Variants in ACYP2 observed in about 807,000 individuals in gnomAD.
ACYP2 encodes the protein acylphosphatase 2, also known as acylphosphatase-2.
ACYP2 carries 12 observed loss-of-function variants against 11.2 expected under a neutral mutation model. That is an observed-to-expected ratio of 1.08 (90% CI 0.69 to 1.74). The LOEUF is 1.74. ACYP2 is among the 40% of genes most tolerant of loss of function. The pLI is 0.00. For missense variants in ACYP2, 134 were observed against 101.9 expected (o/e 1.31, Z -1.35); for synonymous variants, 43 against 32.2 (o/e 1.33, Z -1.13).
chr2:54,126,056 G>C (rs1254012028), intron 4 of ACYP2, among the ~76,000 whole-genome samples: 4 of 152,054 alleles, frequency 2.6e-5, no homozygotes, highest in East Asian at 3.9e-4. Context: ...ACTCCAGCCT[G>C]GGCGACAGAG....
chr2:54,115,577 G>C (rs1176642559), intron 4 of ACYP2, 38 bp from the exon 1 acceptor site: 30 of 1,538,804 alleles, frequency 1.9e-5, no homozygotes, highest in Non-Finnish European at 2.6e-5. Context: ...GCTAGCGTCC[G>C]GGACCGGTGA....
At chr2:54,272,254 A>C (rs1487235688) in intron 6 of ACYP2, among the ~76,000 whole-genome samples, 2 of 152,128 alleles carry the variant, frequency 1.3e-5, no homozygotes, top group Non-Finnish European at 2.9e-5. Context: ...GAGGGGCCTA[A>C]CTATGGGGGT....
intron 5 of ACYP2, among the ~76,000 whole-genome samples, chr2:54,137,385 A>T (rs2112124): frequency 0.57 from 86,895 of 151,896 alleles, 25,060 homozygotes; most frequent in East Asian, 0.71. Flanking sequence ...ACCCAGGTAC[A>T]AAGCCTAGTA....
intron 6 of ACYP2, among the ~76,000 whole-genome samples, chr2:54,183,129 T>C (rs1683815984): frequency 6.6e-6 from 1 of 152,232 alleles, no homozygotes; most frequent in African/African-American, 2.4e-5. Flanking sequence ...TCCGCCTTGA[T>C]AACTAAACCT....
intron 6 of ACYP2, among the ~76,000 whole-genome samples, chr2:54,212,992 T>C (rs1254624085): frequency 6.6e-6 from 1 of 152,042 alleles, no homozygotes; most frequent in Admixed American, 6.6e-5. Context: ...ATTTGTTACA[T>C]GGGTAAATTG....
intron 6 of ACYP2, among the ~76,000 whole-genome samples, chr2:54,226,779 C>T (rs1686029084): frequency 1.3e-5 from 2 of 152,316 alleles, no homozygotes; most frequent in South Asian, 2.1e-4. Flanking sequence ...CAACATTTAT[C>T]AGTAACTGTG....
chr2:54,214,894 T>C (rs995021492), intron 6 of ACYP2, among the ~76,000 whole-genome samples: 2 of 152,206 alleles, frequency 1.3e-5, no homozygotes, highest in African/African-American at 4.8e-5. Context: ...ATGGAATGTT[T>C]TTCCATTTGT....
chr2:54,193,776 G>A (rs1053310645), intron 6 of ACYP2, among the ~76,000 whole-genome samples: 2 of 152,112 alleles, frequency 1.3e-5, no homozygotes, highest in Non-Finnish European at 2.9e-5. Context: ...AGCAATTTTT[G>A]TGATCTGTAA....
chr2:54,063,266 G>A (rs977039639), intron 4 of ACYP2, among the ~76,000 whole-genome samples: 2 of 152,160 alleles, frequency 1.3e-5, no homozygotes, highest in Admixed American at 1.3e-4. Context: ...GATTACAGGT[G>A]TGAGCCACTG....
chr2:54,234,782 A>G (rs778775435), intron 6 of ACYP2, among the ~76,000 whole-genome samples: 2 of 152,192 alleles, frequency 1.3e-5, no homozygotes, highest in Non-Finnish European at 2.9e-5. Flanking sequence ...CCATTTGTAC[A>G]CTACTGATTT....
At chr2:54,007,137 T>TA (rs1673107829) in intron 2 of ACYP2, among the ~76,000 whole-genome samples, 1 of 32,830 alleles carries the variant, frequency 3.0e-5, no homozygotes, top group East Asian at 2.4e-3. Flanking sequence ...AGACTCTGTG[T>TA]CAAAAAAAAA....
At chr2:54,226,388 T>C (rs1327331150) in intron 6 of ACYP2, among the ~76,000 whole-genome samples, 2 of 152,220 alleles carry the variant, frequency 1.3e-5, no homozygotes, top group African/African-American at 4.8e-5. Flanking sequence ...TTACTGGCTG[T>C]AGGCAGTCCT....
At chr2:54,115,064 T>C (rs746417497) in intron 4 of ACYP2, among the ~76,000 whole-genome samples, 1 of 152,090 alleles carries the variant, frequency 6.6e-6, no homozygotes, top group African/African-American at 2.4e-5. Context: ...GGGGAGATAT[T>C]GGTCAAAGGG....
At chr2:54,075,370 A>G (rs1221159506) in intron 4 of ACYP2, among the ~76,000 whole-genome samples, 3 of 152,100 alleles carry the variant, frequency 2.0e-5, no homozygotes, top group Non-Finnish European at 4.4e-5. Context: ...ATGGTGGCAC[A>G]TGCCTGTAAT....
At chr2:54,235,373 G>A (rs529780948) in intron 6 of ACYP2, among the ~76,000 whole-genome samples, 1 of 151,996 alleles carries the variant, frequency 6.6e-6, no homozygotes, top group East Asian at 1.9e-4. Context: ...TTTTGAGATG[G>A]AGTCTCGCTC....
At position 54,261,791 on chromosome 2, in the gene ACYP2, A is replaced by T. The variant is rs115098737; in HGVS notation, c.405-42897A>T. ...ACAATATGTTACTTTCGTAAGATTC[A>T]AAAGAATGTTGGTAAACAAGAGAGG... On this transcript the variant is annotated intron_variant, in intron 6 of 6. Coordinates refer to ENST00000607452, the MANE Select transcript of ACYP2 (RefSeq NM_001320586.2). 2.7e-3 allele frequency among the ~76,000 whole-genome samples: 414 copies of T among 152,348 alleles called. 3 individuals carry two copies. Among genetic ancestry groups the T allele is most frequent in the African/African-American group, 9.4e-3 (390 of 41,580 alleles).
rs1047766651 is a variant in ACYP2 at position 54,267,523 on chromosome 2, T to C, written c.405-37165T>C. Among the ~76,000 whole-genome samples, 27 of 152,176 alleles carry C rather than the reference T, an allele frequency of 1.8e-4. 1 individual carries two copies. The highest frequency in any genetic ancestry group is 2.9e-4 in the Non-Finnish European group (20 of 68,034). On this transcript the variant is annotated intron_variant, in intron 6 of 6. Transcript: ENST00000607452. ...TTGGGGGAAGGTTACTAGTGACCAA[T>C]TGTTGACATATATATAAGCCCCATT...
In ACYP2 at chr2:54,164,122, T is replaced by G. The variant is rs578114681; in HGVS notation, c.404+25374T>G. Among the ~76,000 whole-genome samples, 11 of 152,126 alleles carry G rather than the reference T, an allele frequency of 7.2e-5. No individual in the cohort carries two copies. In the South Asian group the frequency reaches 2.3e-3, roughly 32 times the overall value. ...GGTAAGGCTGAAAGAGGGATCTGAT[T>G]AGGGCTTTGGAGCATGTATAGAACT... On this transcript the variant is annotated intron_variant, in intron 6 of 6. Coordinates refer to ENST00000607452, the MANE Select transcript of ACYP2 (RefSeq NM_001320586.2).
Position 54,036,012 on chromosome 2 carries a change from C to T in ACYP2, c.63-14946C>T, listed in dbSNP as rs551547141. ...AAGACGATTGATTGGCCTAGGTAAA[C>T]ATATAGACAAAACTGGCAGTACCTC... On this transcript the variant is annotated intron_variant, in intron 2 of 6. Transcript: ENST00000607452. Among the ~76,000 whole-genome samples, 20 of 152,222 alleles carry T rather than the reference C, an allele frequency of 1.3e-4. No homozygotes were observed. In the South Asian group the frequency reaches 3.9e-3, roughly 30 times the overall value.
Sources: gnomAD v4.1 joint callset for allele counts (sites outside exome capture counted in the v4.1 genomes callset) on GRCh38, gnomAD v4.1.1 for gene constraint, MANE v1.5 for transcripts, NCBI Gene and HGNC (gene_info 2026-07-23, HGNC 2026-07-21) for gene names.